The following GSE1 variants were observed in gnomAD, a reference collection of about 807,000 sequenced individuals.
GSE1 encodes Gse1 coiled-coil protein.
Under a neutral mutation model 112.6 loss-of-function variants are expected in GSE1, and 32 were observed. The observed-to-expected ratio is 0.28, with a 90% confidence interval of 0.21 to 0.38. GSE1 has a LOEUF of 0.38. Ranked by LOEUF, GSE1 falls within the 10% of genes least tolerant of loss-of-function variation. GSE1 has a pLI of 1.00. For synonymous variants in GSE1, 1,115 were observed against 735.6 expected (o/e 1.52, Z -8.35); for missense variants, 2,348 against 1,699.2 (o/e 1.38, Z -6.71).
chr16:85,169,611 C>G (rs2074327353), exon 1 of GSE1: 1 of 982,942 alleles, frequency 1.0e-6, no homozygotes. Context: ...CGCCGCTCTC[C>G]TGCTTCATCT....
rs567443366 is a variant in GSE1 at position 85,497,637 on chromosome 16, C to T, written c.2465-136277C>T. 1.6e-4 allele frequency among the ~76,000 whole-genome samples: 25 copies of T among 152,318 alleles called. No homozygotes were observed. In the South Asian group the frequency reaches 1.7e-3, roughly 10 times the overall value. On this transcript the variant is annotated intron_variant, in intron 2 of 2. Transcript: ENST00000637419. The stretch of plus-strand genomic sequence containing the variant: ...ATGTCTGTGCAGCAGTATGGTGTGG[C>T]GTGAACTTACACCTTTGTCACATCT...
At chr16:85,346,053 G>C (rs1199369797) in intron 1 of GSE1, among the ~76,000 whole-genome samples, 3 of 151,566 alleles carry the variant, frequency 2.0e-5, no homozygotes, top group Non-Finnish European at 4.4e-5. Flanking sequence ...GAATGGATGG[G>C]TGGATGAACA....
upstream of GSE1, among the ~76,000 whole-genome samples, chr16:85,607,282 G>A (rs1447152272): frequency 6.6e-6 from 1 of 152,166 alleles, no homozygotes; most frequent in Non-Finnish European, 1.5e-5. Context: ...GGGGGCGGTT[G>A]GTAGCAGGGG....
chr16:85,353,657 AC>A (rs59615738), intron 1 of GSE1, among the ~76,000 whole-genome samples: 2,685 of 152,272 alleles, frequency 0.018, 86 homozygotes, highest in African/African-American at 0.062. Flanking sequence ...AACAAGCAAG[AC>A]CCTGTCTCTT....
intron 1 of GSE1, among the ~76,000 whole-genome samples, chr16:85,353,699 G>T (rs2151564680): frequency 1.3e-5 from 2 of 152,334 alleles, no homozygotes; most frequent in Non-Finnish European, 2.9e-5. Flanking sequence ...GAGGTTCCCA[G>T]ATTCTTCTTG....
At chr16:85,397,442 A>C (rs1481227103) in intron 2 of GSE1, among the ~76,000 whole-genome samples, 1 of 152,196 alleles carries the variant, frequency 6.6e-6, no homozygotes, top group East Asian at 1.9e-4. Context: ...ATCTCCTCGC[A>C]TGGACCCTGC....
At chr16:85,477,820 A>G (rs2050508443) in intron 2 of GSE1, among the ~76,000 whole-genome samples, 1 of 151,950 alleles carries the variant, frequency 6.6e-6, no homozygotes, top group Admixed American at 6.6e-5. Context: ...TCGGCCTCCC[A>G]AAGTGTTGAG....
In GSE1 at chr16:85,655,785, C is replaced by G. The variant is rs560509911; in HGVS notation, c.857C>G (p.Pro286Arg). The G allele has an allele frequency of 4.3e-6, 7 of 1,610,308 alleles. No homozygotes were observed. Among genetic ancestry groups the G allele is most frequent in the East Asian group, 2.2e-5 (1 of 44,868 alleles). Residue 286 changes from proline to arginine, a missense_variant, in exon 6 of 16, where the codon CCC (proline) becomes CGC (arginine). Physicochemically the swap from Pro to Arg is moderately radical, Grantham distance 103. Transcript: ENST00000253458. ...TCCCCGTTCTACCCCATCCCCACCC[C>G]CGGCTCCCTGCCCCCACTGCACCCA... ...LRSPFYPIPT[P>R]GSLPPLHPSA... is the part of the protein sequence containing the mutation.
intron 2 of GSE1, among the ~76,000 whole-genome samples, chr16:85,382,310 C>A (rs991779649): frequency 6.6e-6 from 1 of 152,168 alleles, no homozygotes; most frequent in East Asian, 1.9e-4. Flanking sequence ...GTGGTGGGGG[C>A]AGGGACGGCC....
rs1241016515 is a variant in GSE1 at position 85,665,102 on chromosome 16, G to A, written c.2732G>A (p.Arg911Lys). The A allele has an allele frequency of 6.2e-7, 1 of 1,609,306 alleles. No individual in the cohort carries two copies. The highest frequency in any genetic ancestry group is 1.1e-5 in the South Asian group (1 of 90,996). The change falls in exon 12 of 16, where the codon AGG becomes AAG. Residue 911 changes from arginine to lysine, a missense_variant. Coordinates refer to ENST00000253458, the MANE Select transcript of GSE1 (RefSeq NM_014615.5). ...GCCGACTCCTTGACAAACTCTCCGA[G>A]GGACAGTCCTGCCGTCTCCCTGAGT... The part of the protein sequence containing the change: ...AVADSLTNSP[R>K]DSPAVSLSEP...
intron 1 of GSE1, among the ~76,000 whole-genome samples, chr16:85,340,094 C>G (rs988984719): frequency 7.0e-6 from 1 of 143,624 alleles, no homozygotes; most frequent in Admixed American, 6.9e-5. Context: ...AGAATGGAAA[C>G]AGATGGTACA....
At chr16:85,383,527 GTCTCTCTCTCTCTCTCTCTC>G (rs55919597) in intron 2 of GSE1, among the ~76,000 whole-genome samples, 2,319 of 130,830 alleles carry the variant, frequency 0.018, 50 homozygotes, top group African/African-American at 0.054. Flanking sequence ...GCACACCTGC[GTCTCTCTCTCTCTCTCTCTC>G]TCTCTCTCTC....
At position 85,674,760 on chromosome 16, in the gene GSE1, A is replaced by C. The variant is rs753022910; in HGVS notation, c.*2221A>C. The C allele has an allele frequency of 2.0e-5, 3 of 152,354 alleles. No individual in the cohort carries two copies. Among genetic ancestry groups the C allele is most frequent in the Non-Finnish European group, 4.4e-5 (3 of 68,040 alleles). The allele number at this position is 152,354 out of a possible 1,614,324, so 9.4% of individuals were successfully genotyped here. A position where few individuals can be genotyped will look rare whatever the true frequency, so the allele number is the denominator to read the frequency against. On this transcript the variant is annotated 3_prime_UTR_variant, in exon 16 of 16. Coordinates refer to ENST00000253458, the MANE Select transcript of GSE1 (RefSeq NM_014615.5). ...CACAGGGGACAGGTGGCACACCATG[A>C]GAGGTCTGCCCAGGGTGGGAGCAGT...
intron 1 of GSE1, among the ~76,000 whole-genome samples, chr16:85,224,008 C>T (rs1427177262): frequency 6.6e-6 from 1 of 152,166 alleles, no homozygotes; most frequent in East Asian, 1.9e-4. Flanking sequence ...TTATCATCAC[C>T]CCAAAAGGAA....
chr16:85,427,556 C>T (rs1257365727), intron 2 of GSE1, among the ~76,000 whole-genome samples: 1 of 152,204 alleles, frequency 6.6e-6, no homozygotes, highest in Non-Finnish European at 1.5e-5. Flanking sequence ...GCAGGAGAAT[C>T]GCTTGAACTC....
chr16:85,444,287 G>T (rs1210886716), intron 2 of GSE1, among the ~76,000 whole-genome samples: 1 of 152,170 alleles, frequency 6.6e-6, no homozygotes, highest in Non-Finnish European at 1.5e-5. Flanking sequence ...CCCGGTCAGG[G>T]GGGTGCTTTC....
At chr16:85,411,012 A>ATAATCCTCACTGTTACACTCAGG (rs2048520746) in intron 2 of GSE1, among the ~76,000 whole-genome samples, 1 of 22,764 alleles carries the variant, frequency 4.4e-5, no homozygotes. Context: ...TTACACTCAG[A>ATAATCCTCACTGTTACACTCAGG]GCCCCCCTGG....
upstream of GSE1, among the ~76,000 whole-genome samples, chr16:85,607,858 T>C (rs949985129): frequency 6.6e-6 from 1 of 152,176 alleles, no homozygotes; most frequent in Non-Finnish European, 1.5e-5. Flanking sequence ...CCACTGCCAC[T>C]CTGGAGCAGG....
At chr16:85,383,727 G>A (rs2047619758) in intron 2 of GSE1, among the ~76,000 whole-genome samples, 1 of 152,172 alleles carries the variant, frequency 6.6e-6, no homozygotes, top group African/African-American at 2.4e-5. Context: ...GGAGAGAGTG[G>A]CTGGCTCGTG....
Sources: allele counts gnomAD v4.1 joint callset (sites outside exome capture counted in the v4.1 genomes callset), GRCh38; gene constraint gnomAD v4.1.1; transcripts MANE v1.5; gene names NCBI Gene and HGNC (gene_info 2026-07-23, HGNC 2026-07-21).